The following NHSL2 variants were observed in gnomAD, a reference collection of about 807,000 sequenced individuals.
NHSL2 encodes NHS like 2.
NHSL2 carries 27 observed loss-of-function variants against 53.4 expected under a neutral mutation model. The ratio of observed to expected loss-of-function variants is 0.51; its 90% CI spans 0.37 to 0.70. The LOEUF (loss-of-function observed/expected upper bound fraction) is 0.70. NHSL2 is among the 30% of genes least tolerant of loss of function. The pLI is 0.00. For missense variants in NHSL2, 892 were observed against 980.1 expected (o/e 0.91, Z 1.20); for synonymous variants, 408 against 404.1 (o/e 1.01, Z -0.12).
intron 1 of NHSL2, among the ~76,000 whole-genome samples, chrX:71,969,574 A>C (rs1279674002): frequency 8.9e-6 from 1 of 111,930 alleles, no homozygotes; most frequent in Non-Finnish European, 1.9e-5. Context: ...CAGCCTCTCA[A>C]AGTGCTGGGA....
At chrX:72,059,504 C>T (rs980813295) in intron 1 of NHSL2, among the ~76,000 whole-genome samples, 4 of 112,296 alleles carry the variant, frequency 3.6e-5, no homozygotes, top group Admixed American at 9.4e-5. Context: ...TTCCCAAATA[C>T]GAGAAACCCT....
chrX:72,069,592 A>G, intron 1 of NHSL2: 1 of 680,813 alleles, frequency 1.5e-6, no homozygotes, highest in Non-Finnish European at 1.9e-6. Context: ...GAGCACAGGC[A>G]GAGGAGGAGG....
chrX:72,094,944 T>C (rs974801436), intron 1 of NHSL2, among the ~76,000 whole-genome samples: 1 of 112,293 alleles, frequency 8.9e-6, no homozygotes, highest in African/African-American at 3.2e-5. Flanking sequence ...TGCAAAGCTC[T>C]TTCTGAAACC....
chrX:71,939,824 T>G (rs1410362633), intron 1 of NHSL2, among the ~76,000 whole-genome samples: 3 of 112,329 alleles, frequency 2.7e-5, no homozygotes. Context: ...TTAGCTATTA[T>G]AGGCAACAAG....
chrX:72,152,357 G>A lies in NHSL2; in HGVS notation c.*8783G>A, dbSNP rs1200898843. On this transcript the variant is annotated 3_prime_UTR_variant, in exon 8 of 8. Coordinates refer to ENST00000633930, the MANE Select transcript of NHSL2 (RefSeq NM_001013627.3). ...TACATGCGTGTGTGCATGCGCGCGC[G>A]CACACACACACACACACACACACAC... 2.1e-4 allele frequency: 2 copies of A among 9,503 alleles called. No homozygotes were observed. The highest frequency in any genetic ancestry group is 2.4e-4 in the African/African-American group (2 of 8,471). 0.8% of individuals were successfully genotyped at this position (9,503 alleles called of 1,213,427 possible).
In NHSL2 at chrX:71,988,493, A is replaced by G. The variant is rs146800282; in HGVS notation, c.280+77126A>G. On this transcript the variant is annotated intron_variant, in intron 1 of 7. Coordinates refer to ENST00000633930, the MANE Select transcript of NHSL2 (RefSeq NM_001013627.3). ...CTTAGAAGGGACTCTAACGCTCCTA[A>G]GTTGGGCTTCTAACCCAAGGTCAGT... 3.8e-3 allele frequency among the ~76,000 whole-genome samples: 427 copies of G among 111,395 alleles called. 2 individuals carry two copies. Among genetic ancestry groups the G allele is most frequent in the Non-Finnish European group, 5.0e-3 (266 of 52,996 alleles).
Position 72,146,844 on chromosome X carries a change from T to A in NHSL2, c.*3270T>A, listed in dbSNP as rs1164821971. 9.0e-6 allele frequency: 1 copy of A among 110,946 alleles called. No individual in the cohort carries two copies. Among genetic ancestry groups the A allele is most frequent in the Non-Finnish European group, 1.9e-5 (1 of 53,055 alleles). The allele number at this position is 110,946 out of a possible 1,213,427, so 9.1% of individuals were successfully genotyped here. A position where few individuals can be genotyped will look rare whatever the true frequency, so the allele number is the denominator to read the frequency against. On this transcript the variant is annotated 3_prime_UTR_variant, in exon 8 of 8. Coordinates refer to ENST00000633930, the MANE Select transcript of NHSL2 (RefSeq NM_001013627.3). ...TCCCCCACCAGCCCCAACTTATTCC[T>A]CAGCCCCAACTTATCCCTCAGCCCC...
intron 1 of NHSL2, among the ~76,000 whole-genome samples, chrX:71,936,500 A>G (rs2041739100): frequency 8.9e-6 from 1 of 112,724 alleles, no homozygotes; most frequent in Non-Finnish European, 1.9e-5. Context: ...TTAATGTGTG[A>G]TCCATTGAGC....
intron 1 of NHSL2, among the ~76,000 whole-genome samples, chrX:72,041,717 G>A: frequency 8.9e-6 from 1 of 112,153 alleles, no homozygotes; most frequent in Non-Finnish European, 1.9e-5. Flanking sequence ...CTTTTGAACA[G>A]AAGACAGCAC....
intron 2 of NHSL2, among the ~76,000 whole-genome samples, chrX:72,133,466 A>G (rs12390592): frequency 0.022 from 2,418 of 111,651 alleles, 30 homozygotes; most frequent in Middle Eastern, 0.046. Context: ...AATCAACCCT[A>G]TTCAAATCTT....
At chrX:71,962,097 T>G (rs1310270877) in intron 1 of NHSL2, among the ~76,000 whole-genome samples, 2 of 112,672 alleles carry the variant, frequency 1.8e-5, no homozygotes, top group Non-Finnish European at 3.7e-5. Flanking sequence ...TTCCTTTATT[T>G]TATTAATATG....
chrX:72,143,809 G>GA lies in NHSL2; in HGVS notation c.*236dup. 3 of 279,672 alleles carry GA rather than the reference G, an allele frequency of 1.1e-5. No individual in the cohort carries two copies. Among genetic ancestry groups the GA allele is most frequent in the Non-Finnish European group, 1.3e-5 (2 of 159,396 alleles). The allele number at this position is 279,672 out of a possible 1,213,427, so 23.0% of individuals were successfully genotyped here. ...TATAAGCTTGTCATGACTGACTACC[G>GA]AGTTTCTTCTTATTTTCCCCCAGTG... On this transcript the variant is annotated 3_prime_UTR_variant, in exon 8 of 8. Transcript: ENST00000633930.
chrX:72,130,653 G>A lies in NHSL2; in HGVS notation c.281-1426G>A. 2.5e-6 allele frequency: 3 copies of A among 1,211,690 alleles called. No homozygotes were observed. The Middle Eastern group carries it at 6.9e-4, about 278-fold the overall frequency. ...CACATTCGAGAATCAGCTCATCCAG[G>A]TCGGCCATTTCTGTTGACCATAAGA... On this transcript the variant is annotated intron_variant, in intron 1 of 7. Transcript: ENST00000633930.
At chrX:72,064,563 C>CG (rs1569476852) in intron 1 of NHSL2, among the ~76,000 whole-genome samples, 1 of 111,934 alleles carries the variant, frequency 8.9e-6, no homozygotes, top group Non-Finnish European at 1.9e-5. Context: ...TCTTGGGTTC[C>CG]GGGGGGCAGT....
At chrX:72,132,313 G>C in intron 2 of NHSL2, 79 bp downstream of exon 2, 1 of 904,424 alleles carries the variant, frequency 1.1e-6, no homozygotes. Flanking sequence ...AGAAGAAAGA[G>C]GACAGGGACC....
At chrX:72,048,910 G>C (rs1015551123) in intron 1 of NHSL2, among the ~76,000 whole-genome samples, 1 of 108,361 alleles carries the variant, frequency 9.2e-6, no homozygotes, top group East Asian at 2.9e-4. Context: ...GATTTCTAGA[G>C]GCCAGGAGTT....
intron 1 of NHSL2, among the ~76,000 whole-genome samples, chrX:72,076,244 A>G (rs1199240680): frequency 9.0e-6 from 1 of 111,345 alleles, no homozygotes; most frequent in Non-Finnish European, 1.9e-5. Flanking sequence ...AACACAGTGT[A>G]TATTATATAT....
chrX:72,124,366 G>C (rs1237849625), intron 1 of NHSL2, among the ~76,000 whole-genome samples: 1 of 111,454 alleles, frequency 9.0e-6, no homozygotes, highest in Non-Finnish European at 1.9e-5. Flanking sequence ...GCTCACATCA[G>C]ACCATGGTAC....
chrX:71,941,320 GT>G (rs1006531860), intron 1 of NHSL2, among the ~76,000 whole-genome samples: 1 of 111,887 alleles, frequency 8.9e-6, no homozygotes, highest in African/African-American at 3.3e-5. Context: ...GATAGGTCAG[GT>G]CACCCCTTAG....
Sources: gnomAD v4.1 joint callset for allele counts (sites outside exome capture counted in the v4.1 genomes callset) on GRCh38, gnomAD v4.1.1 for gene constraint, MANE v1.5 for transcripts, NCBI Gene and HGNC (gene_info 2026-07-23, HGNC 2026-07-21) for gene names.